Variants in C14orf132 observed in about 807,000 individuals in gnomAD.
C14orf132 encodes the protein uncharacterized protein C14orf132.
C14orf132 carries 6 observed loss-of-function variants against 5.8 expected under a neutral mutation model. That is an observed-to-expected ratio of 1.03 (90% CI 0.57 to 2.04). The LOEUF (loss-of-function observed/expected upper bound fraction) is 2.04, where lower values mean the gene tolerates loss of function less well. C14orf132 is among the 30% of genes most tolerant of loss of function. C14orf132 has a pLI of 0.00. For synonymous variants in C14orf132, 51 were observed against 49.8 expected, an observed-to-expected ratio of 1.02 and a Z score of -0.10; for missense variants, 125 against 115.8, an observed-to-expected ratio of 1.08 and a Z score of -0.37.
rs188567175 is a variant in C14orf132 at position 96,050,082 on chromosome 14, T to G, written c.27+10555T>G. 7.9e-5 allele frequency among the ~76,000 whole-genome samples: 12 copies of G among 152,318 alleles called. No homozygotes were observed. In the East Asian group the frequency reaches 2.3e-3, roughly 29 times the overall value. ...AATTCTAAATATGTCAATTCTGGATTGGTTTTGATTGATTGCCTTTTCTCC... is the reference window on the plus strand; with the variant it reads ...AATTCTAAATATGTCAATTCTGGATGGGTTTTGATTGATTGCCTTTTCTCC... On this transcript the variant is annotated intron_variant, in intron 1 of 1. Coordinates refer to ENST00000555004, the MANE Select transcript of C14orf132 (RefSeq NM_001252507.3).
At chr14:96,071,825 A>C (rs1186775855) in intron 1 of C14orf132, among the ~76,000 whole-genome samples, 2 of 152,210 alleles carry the variant, frequency 1.3e-5, no homozygotes, top group Non-Finnish European at 2.9e-5. Context: ...GTGCCCTGCC[A>C]GGGCTGGTGG....
rs142956904 is a variant in C14orf132 at position 96,067,647 on chromosome 14, G to T, written c.28-18864G>T. ...CCAGGAGGCAGAGGTTGCTGTGAGC[G>T]GAGATCAGGCCATTGCACTCCAGTC... On this transcript the variant is annotated intron_variant, in intron 1 of 1. Transcript: ENST00000555004. 8.0e-4 allele frequency among the ~76,000 whole-genome samples: 122 copies of T among 151,700 alleles called. 1 individual carries two copies. In the East Asian group the frequency reaches 0.02, roughly 25 times the overall value.
At chr14:96,052,738 CG>C (rs1887065951) in intron 1 of C14orf132, among the ~76,000 whole-genome samples, 1 of 151,912 alleles carries the variant, frequency 6.6e-6, no homozygotes, top group South Asian at 2.1e-4. Flanking sequence ...CAGTCCCCAG[CG>C]CCCCTCTCTT....
intron 1 of C14orf132, among the ~76,000 whole-genome samples, chr14:96,077,010 A>G (rs1483206158): frequency 1.3e-5 from 2 of 152,112 alleles, no homozygotes; most frequent in African/African-American, 4.8e-5. Flanking sequence ...CAGAAGACAT[A>G]TTTCATAGGA....
Position 96,039,423 on chromosome 14 carries a change from C to A in C14orf132, c.-78C>A, listed in dbSNP as rs1310567354. On this transcript the variant is annotated 5_prime_UTR_variant, in exon 1 of 2. Transcript: ENST00000555004. This position sits in a 1 kb window ranked among gnomAD's most constrained non-coding sequence, Gnocchi z 5.3. ...CCGGACGCTCGCTGCTCAGCCCGATCCCCGCCAACTGTGCAGGCGGCTGAC... is the reference window on the plus strand; with the variant it reads ...CCGGACGCTCGCTGCTCAGCCCGATACCCGCCAACTGTGCAGGCGGCTGAC... 2.2e-6 allele frequency: 3 copies of A among 1,386,662 alleles called. No individual in the cohort carries two copies. Among genetic ancestry groups the A allele is most frequent in the African/African-American group, 3.0e-5 (2 of 66,954 alleles). The allele number at this position is 1,386,662 out of a possible 1,614,324, so 85.9% of individuals were successfully genotyped here. A position where few individuals can be genotyped will look rare whatever the true frequency, so the allele number is the denominator to read the frequency against.
At chr14:96,049,110 G>A (rs1022540883) in intron 1 of C14orf132, among the ~76,000 whole-genome samples, 3 of 152,006 alleles carry the variant, frequency 2.0e-5, no homozygotes, top group Admixed American at 6.6e-5. Context: ...ATTTATAGTA[G>A]AGACAGGGTT....
rs1237060783 is a variant in C14orf132 at position 96,068,912 on chromosome 14, G to T, written c.28-17599G>T. ...CAGATGATCCTCTCCAATGTGAGTG[G>T]CATCAACCAGTCCACTGAGGGAGAA... On this transcript the variant is annotated intron_variant, in intron 1 of 1. Coordinates refer to ENST00000555004, the MANE Select transcript of C14orf132 (RefSeq NM_001252507.3). Among the ~76,000 whole-genome samples the T allele has an allele frequency of 2.0e-5, 3 of 152,100 alleles. No homozygotes were observed. In the South Asian group the frequency reaches 6.2e-4, roughly 32 times the overall value.
chr14:96,049,371 C>T (rs1443254477), intron 1 of C14orf132, among the ~76,000 whole-genome samples: 1 of 149,646 alleles, frequency 6.7e-6, no homozygotes, highest in Non-Finnish European at 1.5e-5. Context: ...GACAGAGTCT[C>T]GCTCTGTCGC....
At chr14:96,042,143 A>C (rs1175759250) in intron 1 of C14orf132, among the ~76,000 whole-genome samples, 1 of 152,240 alleles carries the variant, frequency 6.6e-6, no homozygotes, top group Non-Finnish European at 1.5e-5. Context: ...CTGTAGGCAT[A>C]TATCTCCTGG....
At chr14:96,078,727 C>G (rs1887947593) in intron 1 of C14orf132, among the ~76,000 whole-genome samples, 1 of 152,178 alleles carries the variant, frequency 6.6e-6, no homozygotes, top group Non-Finnish European at 1.5e-5. Context: ...CCTTTGGGAC[C>G]CCTTCAGGTA....
intron 1 of C14orf132, among the ~76,000 whole-genome samples, chr14:96,070,943 A>C (rs4905425): frequency 0.5 from 76,478 of 151,928 alleles, 19,540 homozygotes; most frequent in East Asian, 0.62. Flanking sequence ...CGATCATTGT[A>C]TGCAGTTTGC....
chr14:96,069,255 TCA>T (rs1491116080), intron 1 of C14orf132, among the ~76,000 whole-genome samples: 5 of 68,120 alleles, frequency 7.3e-5, no homozygotes, highest in Admixed American at 3.3e-4. Flanking sequence ...CTGTTTATGT[TCA>T]TATATATATA....
At position 96,045,879 on chromosome 14, in the gene C14orf132, C is replaced by G. The variant is rs184919700; in HGVS notation, c.27+6352C>G. The stretch of plus-strand genomic sequence containing the variant: ...CTTGGCTAGACAGTTTGTTTTTGCC[C>G]GAGTGGCATCAGCTGGAACAGCAGA... On this transcript the variant is annotated intron_variant, in intron 1 of 1. Transcript: ENST00000555004. 3.9e-5 allele frequency among the ~76,000 whole-genome samples: 6 copies of G among 152,276 alleles called. No individual in the cohort carries two copies. In the East Asian group the frequency reaches 9.6e-4, roughly 24 times the overall value.
At chr14:96,063,390 C>T (rs1174253057) in intron 1 of C14orf132, among the ~76,000 whole-genome samples, 5 of 152,104 alleles carry the variant, frequency 3.3e-5, no homozygotes, top group African/African-American at 7.3e-5. Context: ...CTCACTGTAA[C>T]GTCTGTCTCC....
chr14:96,064,213 G>C (rs1595178697), intron 1 of C14orf132, among the ~76,000 whole-genome samples: 1 of 152,092 alleles, frequency 6.6e-6, no homozygotes, highest in East Asian at 1.9e-4. Flanking sequence ...TCCCAGTACT[G>C]TGTATCTACC....
chr14:96,058,720 C>A (rs1318317761), intron 1 of C14orf132, among the ~76,000 whole-genome samples: 1 of 152,168 alleles, frequency 6.6e-6, no homozygotes, highest in African/African-American at 2.4e-5. Context: ...GCATCTCAAA[C>A]AGAGAATGGG....
In C14orf132 at chr14:96,087,134, G is replaced by T; in HGVS notation, c.*399G>T. 1 of 227,054 alleles carries T rather than the reference G, an allele frequency of 4.4e-6. No homozygotes were observed. Among genetic ancestry groups the T allele is most frequent in the Non-Finnish European group, 8.7e-6 (1 of 114,500 alleles). 14.1% of individuals were successfully genotyped at this position (227,054 alleles called of 1,614,324 possible). On this transcript the variant is annotated 3_prime_UTR_variant, in exon 2 of 2. Coordinates refer to ENST00000555004, the MANE Select transcript of C14orf132 (RefSeq NM_001252507.3). ...TTTATGCAAACTTATCGAACCTAGG[G>T]CGTGGGGTGCTGGGGCAAGAGCAGC...
intron 1 of C14orf132, among the ~76,000 whole-genome samples, chr14:96,061,976 C>T (rs1887371896): frequency 6.6e-6 from 1 of 152,142 alleles, no homozygotes; most frequent in African/African-American, 2.4e-5. Flanking sequence ...AGCTTTCTTA[C>T]AAATGCTCAA....
chr14:96,093,386 G>A lies in C14orf132; in HGVS notation c.*6651G>A, dbSNP rs1043516. 0.36 allele frequency: 54,956 copies of A among 152,122 alleles called. 10,204 individuals are homozygous for A. Among genetic ancestry groups the A allele is most frequent in the East Asian group, 0.54 (2,801 of 5,186 alleles). 9.4% of individuals were successfully genotyped at this position (152,122 alleles called of 1,614,324 possible). On this transcript the variant is annotated 3_prime_UTR_variant, in exon 2 of 2. Coordinates refer to ENST00000555004, the MANE Select transcript of C14orf132 (RefSeq NM_001252507.3). ...TGGGGAAGAGCTTAGGAATGGGGTG[G>A]GCATGGGAGTGCTGGGTAGCAGCCT... is the stretch of plus-strand genomic sequence containing the variant.
Sources: allele counts gnomAD v4.1 joint callset (sites outside exome capture counted in the v4.1 genomes callset), GRCh38; gene constraint gnomAD v4.1.1; non-coding constraint Gnocchi (gnomAD v3.1); transcripts MANE v1.5; gene names NCBI Gene and HGNC (gene_info 2026-07-23, HGNC 2026-07-21).